TM4SF19: variants seen among roughly 807,000 people sequenced by gnomAD.
TM4SF19 encodes transmembrane 4 L six family member 19, also known as transmembrane 4 L6 family member 19.
In TM4SF19, 17 loss-of-function variants were observed where a neutral mutation model predicts 21.8. The ratio of observed to expected loss-of-function variants is 0.78; its 90% CI spans 0.53 to 1.17. The LOEUF (loss-of-function observed/expected upper bound fraction) is 1.17. Among genes scored for constraint, TM4SF19 ranks in the 50% most tolerant of loss-of-function variants. TM4SF19 has a pLI of 0.00. For missense variants in TM4SF19, 216 were observed against 252.1 expected (o/e 0.86, Z 0.97); for synonymous variants, 107 against 106.7 (o/e 1.00, Z -0.02).
intron 3 of TM4SF19, among the ~76,000 whole-genome samples, chr3:196,326,388 G>A (rs1363856456): frequency 2.0e-5 from 2 of 98,770 alleles, no homozygotes; most frequent in African/African-American, 3.3e-5. Flanking sequence ...GTCTGAGAAC[G>A]AGTGTGTGTG....
chr3:196,328,899 ACTGGAACAGG>A (rs1727406725), intron 1 of TM4SF19, among the ~76,000 whole-genome samples: 1 of 152,204 alleles, frequency 6.6e-6, no homozygotes, highest in African/African-American at 2.4e-5. Flanking sequence ...CATATGGACT[ACTGGAACAGG>A]CTGGAGCTCA....
intron 1 of TM4SF19, among the ~76,000 whole-genome samples, chr3:196,332,634 A>T (rs1192277787): frequency 6.6e-6 from 1 of 151,824 alleles, no homozygotes; most frequent in Non-Finnish European, 1.5e-5. Context: ...CACACACAAT[A>T]GTCCCCCATA....
chr3:196,328,177 G>A (rs916859032), intron 1 of TM4SF19, among the ~76,000 whole-genome samples: 2 of 152,040 alleles, frequency 1.3e-5, no homozygotes, highest in Non-Finnish European at 2.9e-5. Flanking sequence ...GTGGGTGCCT[G>A]TAATCCCAGC....
intron 2 of TM4SF19, 89 bp from the exon 3 acceptor site, chr3:196,327,121 G>A: frequency 2.7e-6 from 3 of 1,103,856 alleles, no homozygotes; most frequent in Non-Finnish European, 4.1e-6. Flanking sequence ...GTGGCTGGCA[G>A]CTCACATGAA....
intron 1 of TM4SF19, among the ~76,000 whole-genome samples, chr3:196,337,024 G>C (rs1049900102): frequency 1.3e-5 from 2 of 151,696 alleles, no homozygotes; most frequent in East Asian, 1.9e-4. Context: ...AAGTCTAGTG[G>C]GGACACTGCT....
chr3:196,332,068 C>T (rs566535672), intron 1 of TM4SF19, among the ~76,000 whole-genome samples: 2 of 151,896 alleles, frequency 1.3e-5, no homozygotes, highest in South Asian at 2.1e-4. Context: ...CAGGAGTTTC[C>T]GACCAACCTG....
In TM4SF19 at chr3:196,323,815, TGTCACTTCTCGCA is replaced by T. The variant is rs781072835; in HGVS notation, c.619_*1del. 1.5e-4 allele frequency: 238 copies of T among 1,614,048 alleles called. 1 individual carries two copies. In the Middle Eastern group the frequency reaches 3.3e-3, roughly 22 times the overall value. ...CATGCTTGCAAGTGAAGGTTCTGCC[TGTCACTTCTCGCA>T]GAGGCTGCAGAAAAGGCCCAGGAGG... is the stretch of plus-strand genomic sequence containing the variant. On this transcript the variant is annotated stop_lost and 3_prime_UTR_variant, in exon 5 of 5. Transcript: ENST00000273695.
In TM4SF19 at chr3:196,332,499, G is replaced by GA. The variant is rs201519946; in HGVS notation, c.-1-4909dup. On this transcript the variant is annotated intron_variant, in intron 1 of 4. Transcript: ENST00000273695. Reference sequence around the variant, plus strand: ...AAGAGGAAGGGGAAGGGGAAGGGAAGAAAAAAAATATATATATATATAAAA... The same window carrying GA: ...AAGAGGAAGGGGAAGGGGAAGGGAAGAAAAAAAAATATATATATATATAAAA... Among the ~76,000 whole-genome samples the GA allele has an allele frequency of 4.0e-4, 55 of 139,050 alleles. 2 individuals carry two copies. The highest frequency in any genetic ancestry group is 7.7e-3 in the Middle Eastern group (2 of 260). The allele number at this position is 139,050 out of a possible 152,430, so 91.2% of individuals were successfully genotyped here. A position where few individuals can be genotyped will look rare whatever the true frequency, so the allele number is the denominator to read the frequency against.
At position 196,327,043 on chromosome 3, in the gene TM4SF19, G is replaced by A; in HGVS notation, c.202-11C>T. 1 of 1,598,218 alleles carries A rather than the reference G, an allele frequency of 6.3e-7. No homozygotes were observed. Among genetic ancestry groups the A allele is most frequent in the East Asian group, 2.3e-5 (1 of 44,404 alleles). ...AGCTGCAGTGAGTACCTGCAGGAGA[G>A]AGAAGAATGTTGAGATGGGGAAATC... On this transcript the variant is annotated splice_polypyrimidine_tract_variant and intron_variant, in intron 2 of 4. Coordinates refer to ENST00000273695, the MANE Select transcript of TM4SF19 (RefSeq NM_138461.4).
chr3:196,327,065 A>T, intron 2 of TM4SF19, 33 bp from the exon 3 acceptor site: 1 of 1,569,050 alleles, frequency 6.4e-7, no homozygotes, highest in South Asian at 1.1e-5. Flanking sequence ...GAGATGGGGA[A>T]ATCGACTTTG....
chr3:196,336,071 G>A (rs924412205), intron 1 of TM4SF19, among the ~76,000 whole-genome samples: 2 of 152,062 alleles, frequency 1.3e-5, no homozygotes, highest in African/African-American at 2.4e-5. Flanking sequence ...CAACCCCCCT[G>A]ACGATCTCTT....
In TM4SF19 at chr3:196,323,594, A is replaced by G. The variant is rs1727152919; in HGVS notation, c.*223T>C. On this transcript the variant is annotated 3_prime_UTR_variant, in exon 5 of 5. Transcript: ENST00000273695. ...GACTATAAATTCCTAAACAATTATA[A>G]TAACTTAGTTATTTATCCTATCCAT... is the stretch of plus-strand genomic sequence containing the variant. The G allele has an allele frequency of 1.2e-6, 1 of 845,104 alleles. No individual in the cohort carries two copies. The highest frequency in any genetic ancestry group is 1.9e-5 in the South Asian group (1 of 53,662). 52.4% of individuals were successfully genotyped at this position (845,104 alleles called of 1,614,324 possible). A position where few individuals can be genotyped will look rare whatever the true frequency, so the allele number is the denominator to read the frequency against.
At chr3:196,326,907 A>G in intron 3 of TM4SF19, 48 bp downstream of exon 3, 1 of 1,532,058 alleles carries the variant, frequency 6.5e-7, no homozygotes, top group Non-Finnish European at 9.0e-7. Context: ...CTAGAGTAAT[A>G]GAGGTGGAGA....
chr3:196,324,665 G>A (rs1438065660), intron 3 of TM4SF19: 5 of 539,340 alleles, frequency 9.3e-6, no homozygotes, highest in African/African-American at 7.6e-5. Context: ...AGGCCGTGAG[G>A]GGTTTCTAGG....
At chr3:196,332,760 G>A (rs571461516) in intron 1 of TM4SF19, among the ~76,000 whole-genome samples, 23 of 151,344 alleles carry the variant, frequency 1.5e-4, no homozygotes, top group Non-Finnish European at 2.9e-4. Context: ...CTATAAACCC[G>A]TTGTAAGTCA....
intron 1 of TM4SF19, among the ~76,000 whole-genome samples, chr3:196,328,877 C>T (rs1577407593): frequency 6.6e-6 from 1 of 152,040 alleles, no homozygotes; most frequent in African/African-American, 2.4e-5. Flanking sequence ...TGAAGCCACG[C>T]GTAAGGAAAC....
chr3:196,329,097 C>T lies in TM4SF19; in HGVS notation c.-1-1506G>A, dbSNP rs1170142815. Among the ~76,000 whole-genome samples, 9 of 127,878 alleles carry T rather than the reference C, an allele frequency of 7.0e-5. 3 individuals are homozygous for T. The South Asian group carries it at 1.6e-3, about 22-fold the overall frequency. 83.9% of individuals were successfully genotyped at this position (127,878 alleles called of 152,430 possible). A position where few individuals can be genotyped will look rare whatever the true frequency, so the allele number is the denominator to read the frequency against. On this transcript the variant is annotated intron_variant, in intron 1 of 4. Transcript: ENST00000273695. ...TAGCTGGGATTACAGGTGCCCGCCACCATGCCCGGTAATTTTTTGTATTTT... is the reference window on the plus strand; with the variant it reads ...TAGCTGGGATTACAGGTGCCCGCCATCATGCCCGGTAATTTTTTGTATTTT...
At chr3:196,324,064 G>C (rs753847150) in intron 4 of TM4SF19, 67 bp from the exon 5 acceptor site, 12 of 1,574,208 alleles carry the variant, frequency 7.6e-6, no homozygotes, top group Non-Finnish European at 1.0e-5. Flanking sequence ...GGCAACCCCA[G>C]TAGAAAACTG....
In TM4SF19 at chr3:196,325,509, T is replaced by A. The variant is rs912847789; in HGVS notation, c.280-1069A>T. 1 of 152,120 alleles carries A rather than the reference T, an allele frequency of 6.6e-6. No individual in the cohort carries two copies. Among genetic ancestry groups the A allele is most frequent in the Non-Finnish European group, 1.5e-5 (1 of 68,042 alleles). The allele number at this position is 152,120 out of a possible 1,614,324, so 9.4% of individuals were successfully genotyped here. On this transcript the variant is annotated intron_variant, in intron 3 of 4. Coordinates refer to ENST00000273695, the MANE Select transcript of TM4SF19 (RefSeq NM_138461.4). This position sits in a 1 kb window ranked among gnomAD's most constrained non-coding sequence, Gnocchi z 4.3. ...GCCACCGTGCCCGGCCCATATTGGA[T>A]TCTTTCTTAGGGTTCTAGATTTTTT...
Sources: gnomAD v4.1 joint callset for allele counts (sites outside exome capture counted in the v4.1 genomes callset) on GRCh38, gnomAD v4.1.1 for gene constraint, Gnocchi (gnomAD v3.1) non-coding constraint, MANE v1.5 for transcripts, NCBI Gene and HGNC (gene_info 2026-07-23, HGNC 2026-07-21) for gene names.